Variants in ROR1 observed in about 807,000 individuals in gnomAD.
ROR1 encodes inactive tyrosine-protein kinase transmembrane receptor ROR1.
A neutral mutation model predicts 78.8 loss-of-function variants in ROR1; 19 were observed. The observed-to-expected ratio is 0.24, with a 90% confidence interval of 0.17 to 0.35. ROR1 has a LOEUF of 0.35. ROR1 is among the 10% of genes least tolerant of loss of function. The pLI, the probability that ROR1 is intolerant of heterozygous loss-of-function variation, is 1.00. For missense variants in ROR1, 917 were observed against 1,177.8 expected (o/e 0.78, Z 3.24); for synonymous variants, 386 against 433.6 (o/e 0.89, Z 1.36).
intron 2 of ROR1, among the ~76,000 whole-genome samples, chr1:64,023,109 T>C (rs1299661106): frequency 6.6e-6 from 1 of 152,152 alleles, no homozygotes; most frequent in Non-Finnish European, 1.5e-5. Context: ...CAAATACTGC[T>C]GAAGATAGTA....
At chr1:64,013,854 A>G (rs1372790097) in intron 2 of ROR1, among the ~76,000 whole-genome samples, 3 of 152,234 alleles carry the variant, frequency 2.0e-5, no homozygotes, top group African/African-American at 7.2e-5. Flanking sequence ...GTCTAACACC[A>G]TGCAGTAGGT....
Position 64,051,455 on chromosome 1 carries a change from T to TAAAA in ROR1, c.482+742_482+745dup, listed in dbSNP as rs369511325. On this transcript the variant is annotated intron_variant, in intron 4 of 8. Coordinates refer to ENST00000371079, the MANE Select transcript of ROR1 (RefSeq NM_005012.4). ...GCAGAGTGAGACTCCGTCTCAAAAA[T>TAAAA]AAAAAATAAAATAAAATAAAATAAA... 7.1e-4 allele frequency among the ~76,000 whole-genome samples: 28 copies of TAAAA among 39,194 alleles called. 1 individual carries two copies. The highest frequency in any genetic ancestry group is 1.3e-3 in the Non-Finnish European group (16 of 12,708). The allele number at this position is 39,194 out of a possible 152,430, so 25.7% of individuals were successfully genotyped here. A position where few individuals can be genotyped will look rare whatever the true frequency, so the allele number is the denominator to read the frequency against.
At chr1:63,828,008 T>A (rs1333982201) in intron 1 of ROR1, among the ~76,000 whole-genome samples, 1 of 152,254 alleles carries the variant, frequency 6.6e-6, no homozygotes, top group Non-Finnish European at 1.5e-5. Context: ...TTCCCCTTAT[T>A]TATATGTTCA....
At chr1:63,935,409 A>G (rs536080041) in intron 1 of ROR1, among the ~76,000 whole-genome samples, 1 of 152,314 alleles carries the variant, frequency 6.6e-6, no homozygotes, top group East Asian at 1.9e-4. Context: ...GAAGTCAGAG[A>G]CAGAGTGAAA....
At chr1:64,116,255 G>A (rs948046808) in intron 4 of ROR1, among the ~76,000 whole-genome samples, 4 of 152,132 alleles carry the variant, frequency 2.6e-5, no homozygotes, top group Non-Finnish European at 4.4e-5. Context: ...GCATTTCTGC[G>A]AACAGTGATA....
At chr1:64,059,361 A>T (rs544886347) in intron 4 of ROR1, among the ~76,000 whole-genome samples, 2 of 152,220 alleles carry the variant, frequency 1.3e-5, no homozygotes, top group South Asian at 4.2e-4. Flanking sequence ...TTGTTTGGTG[A>T]ATTTCCTGAA....
At chr1:63,927,366 G>C (rs1452487428) in intron 1 of ROR1, among the ~76,000 whole-genome samples, 6 of 138,796 alleles carry the variant, frequency 4.3e-5, no homozygotes, top group African/African-American at 1.6e-4. Context: ...AAGCCCACTT[G>C]ATCATGGTGG....
rs532678766 is a variant in ROR1 at position 63,889,905 on chromosome 1, G to A, written c.91+115397G>A. ...TTAAAAATATTTTGAGATCCAAGAA[G>A]GATACTAATAAACCATGTGAAAGTC... On this transcript the variant is annotated intron_variant, in intron 1 of 8. Coordinates refer to ENST00000371079, the MANE Select transcript of ROR1 (RefSeq NM_005012.4). Among the ~76,000 whole-genome samples the A allele has an allele frequency of 8.5e-5, 13 of 152,098 alleles. No individual in the cohort carries two copies. The East Asian group carries it at 2.5e-3, about 29-fold the overall frequency.
Position 63,786,256 on chromosome 1 carries a change from ATTTTTTTTTTTTTTTTTT to A in ROR1, c.91+11765_91+11782del, listed in dbSNP as rs34933492. ...CCCCCCTTACGCTGGCTACAACTTGATTTTTTTTTTTTTTTTTTTTTTTTTTTTTTTTTTGAGACAGAG... is the reference window on the plus strand; with the variant it reads ...CCCCCCTTACGCTGGCTACAACTTGATTTTTTTTTTTTTTTTGAGACAGAG... On this transcript the variant is annotated intron_variant, in intron 1 of 8. Coordinates refer to ENST00000371079, the MANE Select transcript of ROR1 (RefSeq NM_005012.4). Among the ~76,000 whole-genome samples, 529 of 67,538 alleles carry A rather than the reference ATTTTTTTTTTTTTTTTTT, an allele frequency of 7.8e-3. 1 individual carries two copies. The highest frequency in any genetic ancestry group is 0.012 in the Non-Finnish European group (433 of 35,330). The allele number at this position is 67,538 out of a possible 152,430, so 44.3% of individuals were successfully genotyped here.
intron 1 of ROR1, among the ~76,000 whole-genome samples, chr1:63,985,598 C>G (rs1335942900): frequency 6.6e-6 from 1 of 151,834 alleles, no homozygotes; most frequent in African/African-American, 2.4e-5. Flanking sequence ...ATATAGGGGC[C>G]AGGCATGGTG....
chr1:64,038,443 G>T (rs899647004), intron 2 of ROR1, among the ~76,000 whole-genome samples: 1 of 152,148 alleles, frequency 6.6e-6, no homozygotes, highest in African/African-American at 2.4e-5. Flanking sequence ...ACTCTGACTT[G>T]TACTTCCAAA....
At chr1:64,050,309 T>C (rs1646818475) in intron 3 of ROR1, among the ~76,000 whole-genome samples, 1 of 152,190 alleles carries the variant, frequency 6.6e-6, no homozygotes, top group Non-Finnish European at 1.5e-5. Context: ...GTTCGCAGCG[T>C]GCATGGCCCT....
At chr1:63,907,024 T>G (rs1645534738) in intron 1 of ROR1, among the ~76,000 whole-genome samples, 1 of 152,192 alleles carries the variant, frequency 6.6e-6, no homozygotes, top group Non-Finnish European at 1.5e-5. Flanking sequence ...AATATTTAAC[T>G]GTTGTTTGTT....
intron 1 of ROR1, among the ~76,000 whole-genome samples, chr1:63,797,058 G>A (rs1285714041): frequency 1.3e-5 from 2 of 152,092 alleles, no homozygotes; most frequent in Non-Finnish European, 2.9e-5. Context: ...GATGGGAAGA[G>A]GACTCTAGTT....
intron 1 of ROR1, among the ~76,000 whole-genome samples, chr1:63,829,909 T>C (rs139545447): frequency 1.5e-3 from 223 of 151,980 alleles, no homozygotes; most frequent in African/African-American, 5.1e-3. Flanking sequence ...GGAAGGGAGG[T>C]TGTGAAAACA....
At chr1:63,922,536 G>C (rs1645664871) in intron 1 of ROR1, among the ~76,000 whole-genome samples, 2 of 152,094 alleles carry the variant, frequency 1.3e-5, no homozygotes, top group African/African-American at 4.8e-5. Context: ...CCGTCTCTTT[G>C]CAACAGAATT....
intron 1 of ROR1, among the ~76,000 whole-genome samples, chr1:63,828,812 C>T (rs796463174): frequency 6.6e-6 from 1 of 152,196 alleles, no homozygotes; most frequent in African/African-American, 2.4e-5. Flanking sequence ...GCTGTCCTGT[C>T]CTTGCTGCTC....
intron 1 of ROR1, among the ~76,000 whole-genome samples, chr1:63,903,499 A>G (rs1331635084): frequency 6.6e-6 from 1 of 151,376 alleles, no homozygotes; most frequent in African/African-American, 2.4e-5. Context: ...TGAAACATTC[A>G]TATGTTTTGG....
intron 2 of ROR1, among the ~76,000 whole-genome samples, chr1:64,047,171 TCTTA>T (rs1401993809): frequency 2.6e-5 from 4 of 152,206 alleles, no homozygotes; most frequent in African/African-American, 4.8e-5. Context: ...AATGTGCCTT[TCTTA>T]CTTCTCTAGA....
Sources: allele counts gnomAD v4.1 joint callset (sites outside exome capture counted in the v4.1 genomes callset), GRCh38; gene constraint gnomAD v4.1.1; transcripts MANE v1.5; gene names NCBI Gene and HGNC (gene_info 2026-07-23, HGNC 2026-07-21).